TLE3: variants seen among roughly 807,000 people sequenced by gnomAD.
The protein encoded by TLE3 is transducin-like enhancer protein 3.
Under a neutral mutation model 93.0 loss-of-function variants are expected in TLE3, and 14 were observed. The observed-to-expected ratio is 0.15, with a 90% confidence interval of 0.10 to 0.24. The LOEUF is 0.24. TLE3 is among the 10% of genes least tolerant of loss of function. TLE3 has a pLI of 1.00. For missense variants in TLE3, 693 were observed against 1,046.6 expected (o/e 0.66, Z 4.66); for synonymous variants, 451 against 425.0 (o/e 1.06, Z -0.75).
At chr15:70,079,380 G>C (rs754990963) in intron 4 of TLE3, 2 of 491,668 alleles carry the variant, frequency 4.1e-6, no homozygotes, top group Admixed American at 2.4e-5. Flanking sequence ...GCAGGCAGAG[G>C]GGAGGGGCTG....
chr15:70,064,423 C>A, intron 8 of TLE3, 31 bp downstream of exon 8: 1 of 1,613,280 alleles, frequency 6.2e-7, no homozygotes, highest in South Asian at 1.1e-5. Flanking sequence ...CACCCAAACA[C>A]CCCTCCGGGT....
At chr15:70,095,366 C>T (rs2058502451) in intron 3 of TLE3, 3 of 1,440,340 alleles carry the variant, frequency 2.1e-6, no homozygotes, top group South Asian at 2.9e-5. Context: ...CGGGGTTTCT[C>T]TTTCTGCCCC....
rs534186885 is a variant in TLE3 at position 70,095,272 on chromosome 15, G to A, written c.189+306C>T. On this transcript the variant is annotated intron_variant, in intron 3 of 19. Transcript: ENST00000451782. ...AATCCTATCTTACTAGCCAAGATAG[G>A]GCAATGGCAATCAGCCCCTGGGAAA... 15 of 1,291,000 alleles carry A rather than the reference G, an allele frequency of 1.2e-5. No homozygotes were observed. In the African/African-American group the frequency reaches 2.1e-4, roughly 18 times the overall value. 80.0% of individuals were successfully genotyped at this position (1,291,000 alleles called of 1,614,324 possible).
chr15:70,052,559 A>C (rs2055643956), intron 17 of TLE3, 35 bp from the exon 18 acceptor site: 1 of 1,601,000 alleles, frequency 6.2e-7, no homozygotes, highest in South Asian at 1.1e-5. Context: ...GACTGAGCTC[A>C]GCATTCTCTG....
chr15:70,091,794 G>A (rs552791447), intron 4 of TLE3, among the ~76,000 whole-genome samples: 2 of 152,244 alleles, frequency 1.3e-5, no homozygotes, highest in South Asian at 2.1e-4. Context: ...GGCAGGACTC[G>A]AGGTTCCCAG....
intron 6 of TLE3, among the ~76,000 whole-genome samples, chr15:70,068,011 G>A (rs1013536773): frequency 7.9e-5 from 12 of 152,282 alleles, no homozygotes; most frequent in East Asian, 3.9e-4. Flanking sequence ...AGTCCAATGC[G>A]GAGATCCAAC....
chr15:70,060,480 C>T, intron 9 of TLE3, 50 bp downstream of exon 9: 1 of 1,608,988 alleles, frequency 6.2e-7, no homozygotes, highest in Non-Finnish European at 8.5e-7. Context: ...CAGACACCCC[C>T]TGCCCTACCC....
rs1356825742 is a variant in TLE3, at chr15:70,094,672, C to T, written c.190-96G>A. The T allele has an allele frequency of 6.7e-6, 6 of 890,348 alleles. No homozygotes were observed. In the African/African-American group the frequency reaches 6.8e-5, roughly 10 times the overall value. The allele number at this position is 890,348 out of a possible 1,614,324, so 55.2% of individuals were successfully genotyped here. ...TTGGAAAGGTTTTGGCCAAATCATA[C>T]TTTTACGATACATTTGCTAAAGAAG... is the stretch of plus-strand genomic sequence containing the variant. On this transcript the variant is annotated intron_variant, in intron 3 of 19. Transcript: ENST00000451782.
intron 2 of TLE3, 67 bp downstream of exon 2, chr15:70,096,094 A>G: frequency 2.7e-6 from 4 of 1,472,684 alleles, no homozygotes; most frequent in Non-Finnish European, 2.7e-6. Flanking sequence ...CCCGCGGGGG[A>G]TGGCAGGAGC....
At chr15:70,062,532 G>C (rs1045326348) in intron 8 of TLE3, among the ~76,000 whole-genome samples, 6 of 152,218 alleles carry the variant, frequency 3.9e-5, no homozygotes, top group Non-Finnish European at 7.3e-5. Context: ...CATCGATCCA[G>C]CCCGCCTCTG....
chr15:70,058,908 G>A lies in TLE3; in HGVS notation c.766-93C>T, dbSNP rs531267679. ...GAGTGGGAAGAGAGAGGGCATGGGC[G>A]ATGGGAAGACGAGCTTGGCTGAAAG... On this transcript the variant is annotated intron_variant, in intron 10 of 19. Transcript: ENST00000451782. The surrounding 1 kb of genome is among the most constrained non-coding windows in gnomAD (Gnocchi z 4.1). The A allele has an allele frequency of 1.6e-4, 228 of 1,424,612 alleles. No homozygotes were observed. In the African/African-American group the frequency reaches 3.0e-3, roughly 19 times the overall value. The allele number at this position is 1,424,612 out of a possible 1,614,324, so 88.2% of individuals were successfully genotyped here.
At chr15:70,089,098 C>T (rs912406059) in intron 4 of TLE3, among the ~76,000 whole-genome samples, 2 of 152,258 alleles carry the variant, frequency 1.3e-5, no homozygotes, top group Non-Finnish European at 2.9e-5. Context: ...TAGAACATAT[C>T]TCACTGCCTT....
intron 18 of TLE3, 32 bp downstream of exon 18, chr15:70,052,342 C>T (rs1452456972): frequency 1.9e-6 from 3 of 1,603,564 alleles, no homozygotes; most frequent in Admixed American, 3.3e-5. Flanking sequence ...CCCCACCCCA[C>T]TCCATCAGGC....
In TLE3 at chr15:70,065,996, G is replaced by GCCCCCCCCCCCCCCCCC; in HGVS notation, c.577+17_577+18insGGGGGGGGGGGGGGGGG. 7.4e-7 allele frequency: 1 copy of GCCCCCCCCCCCCCCCCC among 1,347,802 alleles called. No individual in the cohort carries two copies. The highest frequency in any genetic ancestry group is 1.0e-6 in the Non-Finnish European group (1 of 955,760). 83.5% of individuals were successfully genotyped at this position (1,347,802 alleles called of 1,614,324 possible). On this transcript the variant is annotated intron_variant, in intron 7 of 19. Transcript: ENST00000451782. Reference sequence around the variant, plus strand: ...CCACCCCTGCCCCGCCCCACCCTCTGCCCCAGCCCAGCCGCACCTCTGTGA... The same window carrying GCCCCCCCCCCCCCCCCC: ...CCACCCCTGCCCCGCCCCACCCTCTGCCCCCCCCCCCCCCCCCCCCCAGCCCAGCCGCACCTCTGTGA...
chr15:70,070,863 G>A (rs3784664), intron 6 of TLE3, among the ~76,000 whole-genome samples: 53,151 of 151,960 alleles, frequency 0.35, 10,331 homozygotes, highest in Middle Eastern at 0.59. Flanking sequence ...AATACCTTAG[G>A]TATGGCTTCA....
At chr15:70,095,749 C>A in intron 2 of TLE3, 108 bp from the exon 3 acceptor site, 1 of 1,355,174 alleles carries the variant, frequency 7.4e-7, no homozygotes, top group South Asian at 1.4e-5. Flanking sequence ...GACACCCCCC[C>A]GGGGGCGCCC....
At chr15:70,052,347 T>C in intron 18 of TLE3, 27 bp downstream of exon 18, 2 of 1,606,290 alleles carry the variant, frequency 1.2e-6, no homozygotes, top group Non-Finnish European at 1.7e-6. Context: ...CCCCACTCCA[T>C]CAGGCCTGGG....
chr15:70,087,395 G>A (rs1165096310), intron 4 of TLE3, among the ~76,000 whole-genome samples: 1 of 152,188 alleles, frequency 6.6e-6, no homozygotes, highest in African/African-American at 2.4e-5. Context: ...CTGCTAAGAT[G>A]AAAATGTCGA....
intron 8 of TLE3, among the ~76,000 whole-genome samples, chr15:70,061,404 A>T (rs138493951): frequency 2.0e-5 from 3 of 152,272 alleles, no homozygotes; most frequent in African/African-American, 7.2e-5. Context: ...CCCTAGCAGA[A>T]GGTGGCACAA....
Sources: allele counts gnomAD v4.1 joint callset (sites outside exome capture counted in the v4.1 genomes callset), GRCh38; gene constraint gnomAD v4.1.1; non-coding constraint Gnocchi (gnomAD v3.1); transcripts MANE v1.5; gene names NCBI Gene and HGNC (gene_info 2026-07-23, HGNC 2026-07-21).